PRCC: variants seen among roughly 807,000 people sequenced by gnomAD.
PRCC encodes the protein proline-rich protein PRCC.
PRCC carries 10 observed loss-of-function variants against 44.0 expected under a neutral mutation model. That is an observed-to-expected ratio of 0.23 (90% CI 0.14 to 0.39). PRCC has a LOEUF of 0.39. Among genes scored for constraint, PRCC ranks in the 10% least tolerant of loss-of-function variants. The pLI, the probability that PRCC is intolerant of heterozygous loss-of-function variation, is 1.00. For synonymous variants in PRCC, 278 were observed against 259.5 expected, an observed-to-expected ratio of 1.07 and a Z score of -0.69; for missense variants, 573 against 624.7, an observed-to-expected ratio of 0.92 and a Z score of 0.88.
At chr1:156,792,426 C>A (rs548189164) in intron 4 of PRCC, among the ~76,000 whole-genome samples, 3 of 152,110 alleles carry the variant, frequency 2.0e-5, no homozygotes, top group African/African-American at 7.2e-5. Context: ...ATGGCCGTAT[C>A]TAGTTGTTTG....
At chr1:156,792,394 T>C (rs1652521110) in intron 4 of PRCC, among the ~76,000 whole-genome samples, 1 of 152,130 alleles carries the variant, frequency 6.6e-6, no homozygotes, top group Admixed American at 6.6e-5. Context: ...CACTTTGATC[T>C]CACTGACTAG....
chr1:156,787,487 A>C (rs1019662912), intron 3 of PRCC, among the ~76,000 whole-genome samples: 9 of 17,324 alleles, frequency 5.2e-4, no homozygotes, highest in African/African-American at 1.3e-3. Flanking sequence ...ATATATATAT[A>C]TATATATATA....
chr1:156,783,986 G>A (rs986021345), intron 2 of PRCC, among the ~76,000 whole-genome samples: 5 of 149,678 alleles, frequency 3.3e-5, no homozygotes, highest in South Asian at 2.1e-4. Context: ...TCGCTCTACC[G>A]CCCAGGCTGG....
Position 156,767,551 on chromosome 1 carries a change from T to C in PRCC, c.-221T>C, listed in dbSNP as rs1026122773. 1 of 571,070 alleles carries C rather than the reference T, an allele frequency of 1.8e-6. No homozygotes were observed. 35.4% of individuals were successfully genotyped at this position (571,070 alleles called of 1,614,324 possible). A position where few individuals can be genotyped will look rare whatever the true frequency, so the allele number is the denominator to read the frequency against. On this transcript the variant is annotated 5_prime_UTR_variant, in exon 1 of 7. Coordinates refer to ENST00000271526, the MANE Select transcript of PRCC (RefSeq NM_005973.5). ...TGACTCGGCGGCCATTAGCTGTGTG[T>C]AGTTGCCCGGGACTAGGAGCTTAAG...
chr1:156,787,535 A>G (rs1418513857), intron 3 of PRCC, among the ~76,000 whole-genome samples: 1 of 142,646 alleles, frequency 7.0e-6, no homozygotes, highest in Non-Finnish European at 1.5e-5. Context: ...TTTTAGGTTC[A>G]GGAGGTACAT....
rs764368770 is a variant in PRCC, at chr1:156,767,786, T to C, written c.15T>C (p.Ala5=). The C allele has an allele frequency of 4.4e-6, 7 of 1,605,448 alleles. No individual in the cohort carries two copies. In the Admixed American group the frequency reaches 1.2e-4, roughly 27 times the overall value. ...CGGGAGGCGCCATGTCGCTGGTTGC[T>C]TACGCCAGCAGCGATGAGAGCGAGC... is the stretch of plus-strand genomic sequence containing the variant. The part of the protein sequence containing the change: MSLV[A]YASSDESEPD... Residue 5 remains alanine (A), a synonymous_variant, in exon 1 of 7, where the codon GCT becomes GCC. Transcript: ENST00000271526.
intron 4 of PRCC, among the ~76,000 whole-genome samples, chr1:156,792,300 G>A (rs1403777699): frequency 6.6e-6 from 1 of 151,986 alleles, no homozygotes; most frequent in South Asian, 2.1e-4. Context: ...TGGCATTGGA[G>A]ATGCAGCAGG....
intron 1 of PRCC, among the ~76,000 whole-genome samples, chr1:156,771,800 G>A (rs1351086715): frequency 6.6e-6 from 1 of 151,922 alleles, no homozygotes; most frequent in Admixed American, 6.6e-5. Context: ...CAAAGTACTG[G>A]GATTACAGAT....
rs76271348 is a variant in PRCC, at chr1:156,774,157, C to CTTTTTTTTTTTTTTTTTTTTTTTTTTTT, written c.468+5927_468+5954dup. On this transcript the variant is annotated intron_variant, in intron 1 of 6. Transcript: ENST00000271526. ...GAGTTTCTTTCTTTTTTTGAGTCAC[C>CTTTTTTTTTTTTTTTTTTTTTTTTTTTT]TTTTTTTTTTTTTTTTTTTTTTTTT... Among the ~76,000 whole-genome samples, 2 of 54,008 alleles carry CTTTTTTTTTTTTTTTTTTTTTTTTTTTT rather than the reference C, an allele frequency of 3.7e-5. 1 individual carries two copies. The highest frequency in any genetic ancestry group is 6.4e-5 in the Non-Finnish European group (2 of 31,014). 35.4% of individuals were successfully genotyped at this position (54,008 alleles called of 152,430 possible). A position where few individuals can be genotyped will look rare whatever the true frequency, so the allele number is the denominator to read the frequency against.
chr1:156,783,132 G>A (rs1163082270), intron 2 of PRCC, among the ~76,000 whole-genome samples: 1 of 152,052 alleles, frequency 6.6e-6, no homozygotes, highest in African/African-American at 2.4e-5. Flanking sequence ...TCAAACTCCC[G>A]ACCTCAGGTG....
intron 1 of PRCC, among the ~76,000 whole-genome samples, chr1:156,771,213 A>G (rs1255872433): frequency 6.6e-6 from 1 of 152,234 alleles, no homozygotes; most frequent in Non-Finnish European, 1.5e-5. Context: ...TGAGTAAAGC[A>G]CAGTGGCTGG....
chr1:156,774,817 T>G (rs1651759972), intron 1 of PRCC, among the ~76,000 whole-genome samples: 1 of 150,826 alleles, frequency 6.6e-6, no homozygotes, highest in African/African-American at 2.4e-5. Flanking sequence ...CTGGGCGTGG[T>G]GGCGCATACC....
intron 5 of PRCC, chr1:156,796,920 C>T (rs934243492): frequency 5.2e-5 from 11 of 210,862 alleles, no homozygotes; most frequent in African/African-American, 7.0e-5. Flanking sequence ...ACTGACTGCA[C>T]GCAGTTAAAC....
At chr1:156,778,875 C>T (rs2102758252) in intron 1 of PRCC, among the ~76,000 whole-genome samples, 1 of 151,648 alleles carries the variant, frequency 6.6e-6, no homozygotes, top group South Asian at 2.1e-4. Flanking sequence ...TCTCGGCTCA[C>T]TACAACCTCT....
intron 2 of PRCC, among the ~76,000 whole-genome samples, chr1:156,784,829 A>G (rs528410351): frequency 1.3e-5 from 2 of 152,320 alleles, no homozygotes; most frequent in South Asian, 4.1e-4. Flanking sequence ...GCCTTTTAGC[A>G]TAGAGAAAGC....
In PRCC at chr1:156,786,625, T is replaced by C; in HGVS notation, c.534T>C (p.Thr178=). ...KTILQGSSEG[T]GLSALLPQPK... is the part of the protein sequence containing the mutation. Reference sequence around the variant, plus strand: ...CTCACCAGGGATCCAGTGAGGGGACTGGTTTGTCTGCCTTGCTTCCCCAAC... The same window carrying C: ...CTCACCAGGGATCCAGTGAGGGGACCGGTTTGTCTGCCTTGCTTCCCCAAC... The change falls in exon 3 of 7, where the codon ACT becomes ACC. Residue 178 remains threonine (T), a synonymous_variant. Transcript: ENST00000271526. The C allele has an allele frequency of 6.2e-7, 1 of 1,611,842 alleles. No individual in the cohort carries two copies. The highest frequency in any genetic ancestry group is 8.5e-7 in the Non-Finnish European group (1 of 1,178,190).
intron 1 of PRCC, among the ~76,000 whole-genome samples, chr1:156,769,156 A>T (rs182058599): frequency 5.7e-4 from 87 of 152,168 alleles, no homozygotes; most frequent in African/African-American, 1.9e-3. Flanking sequence ...TTTTCTTCAG[A>T]CTCCCAGCTC....
rs56916626 is a variant in PRCC, at chr1:156,787,650, C to CTTTTTTTTTTTTTTTTTTTTTTT, written c.1083+492_1083+493insTTTTTTTTTTTTTTTTTTTTTTT. ...AGTACCTGATAGGTAGGTTTTTGGC[C>CTTTTTTTTTTTTTTTTTTTTTTT]TTTTTTTTTTTTTTTTGGAGAAGGA... On this transcript the variant is annotated intron_variant, in intron 3 of 6. Transcript: ENST00000271526. Among the ~76,000 whole-genome samples the CTTTTTTTTTTTTTTTTTTTTTTT allele has an allele frequency of 2.8e-3, 150 of 54,166 alleles. 40 individuals are homozygous for CTTTTTTTTTTTTTTTTTTTTTTT. The highest frequency in any genetic ancestry group is 0.013 in the African/African-American group (147 of 11,026). The allele number at this position is 54,166 out of a possible 152,430, so 35.5% of individuals were successfully genotyped here.
intron 1 of PRCC, among the ~76,000 whole-genome samples, chr1:156,772,461 C>G (rs920149246): frequency 6.6e-6 from 1 of 152,146 alleles, no homozygotes; most frequent in Non-Finnish European, 1.5e-5. Flanking sequence ...GATAATCGTC[C>G]TTTCTTTTTC....
Sources: gnomAD v4.1 joint callset for allele counts (sites outside exome capture counted in the v4.1 genomes callset) on GRCh38, gnomAD v4.1.1 for gene constraint, MANE v1.5 for transcripts, NCBI Gene and HGNC (gene_info 2026-07-23, HGNC 2026-07-21) for gene names.